Variants in AUTS2 observed in about 807,000 individuals in gnomAD.
The protein encoded by AUTS2 is activator of transcription and developmental regulator AUTS2.
In AUTS2, 17 loss-of-function variants were observed where a neutral mutation model predicts 112.4. That is an observed-to-expected ratio of 0.15 (90% confidence interval 0.10 to 0.23). AUTS2 has a LOEUF of 0.23. AUTS2 is among the 10% of genes least tolerant of loss of function. AUTS2 has a pLI of 1.00. For missense variants in AUTS2, 1,510 were observed against 1,701.6 expected, an observed-to-expected ratio of 0.89 and a Z score of 1.98; for synonymous variants, 751 against 702.7, an observed-to-expected ratio of 1.07 and a Z score of -1.09.
intron 2 of AUTS2, among the ~76,000 whole-genome samples, chr7:70,010,258 A>G (rs1057213660): frequency 6.6e-6 from 1 of 151,932 alleles, no homozygotes; most frequent in Non-Finnish European, 1.5e-5. Context: ...TGATCCTCCC[A>G]CCTCAGCCTC....
chr7:70,067,100 G>A (rs1802533050), intron 2 of AUTS2, among the ~76,000 whole-genome samples: 1 of 152,140 alleles, frequency 6.6e-6, no homozygotes, highest in African/African-American at 2.4e-5. Context: ...AGTTCTTAGT[G>A]GGGAAAAAGA....
chr7:70,677,532 G>T (rs1213424262), intron 5 of AUTS2, among the ~76,000 whole-genome samples: 1 of 152,094 alleles, frequency 6.6e-6, no homozygotes, highest in Admixed American at 6.5e-5. Flanking sequence ...CCTCCTAAGT[G>T]TGTTTTCTCA....
chr7:70,489,441 G>A (rs192172312), intron 5 of AUTS2, among the ~76,000 whole-genome samples: 2 of 152,316 alleles, frequency 1.3e-5, no homozygotes, highest in Admixed American at 1.3e-4. Context: ...TAGATTTTCT[G>A]TGTAAAGGTA....
At chr7:70,158,634 G>A (rs1231143749) in intron 4 of AUTS2, among the ~76,000 whole-genome samples, 1 of 152,094 alleles carries the variant, frequency 6.6e-6, no homozygotes, top group African/African-American at 2.4e-5. Context: ...TCCATGGGAT[G>A]AGCAAAGAAA....
At chr7:69,666,677 G>A (rs1186120083) in intron 1 of AUTS2, among the ~76,000 whole-genome samples, 1 of 152,128 alleles carries the variant, frequency 6.6e-6, no homozygotes, top group Non-Finnish European at 1.5e-5. Flanking sequence ...GAAGGCAGGA[G>A]GATTGCTTGA....
chr7:69,813,532 C>G (rs1317269325), intron 1 of AUTS2, among the ~76,000 whole-genome samples: 1 of 152,166 alleles, frequency 6.6e-6, no homozygotes, highest in East Asian at 1.9e-4. Flanking sequence ...GGTTTCTCTA[C>G]TAGTTAAATG....
chr7:70,457,991 C>T (rs1374898424), intron 5 of AUTS2, among the ~76,000 whole-genome samples: 1 of 152,058 alleles, frequency 6.6e-6, no homozygotes, highest in African/African-American at 2.4e-5. Context: ...CTCCCATTTC[C>T]AAGAGAGTGA....
At chr7:69,618,299 C>T (rs1415254992) in intron 1 of AUTS2, among the ~76,000 whole-genome samples, 2 of 152,200 alleles carry the variant, frequency 1.3e-5, no homozygotes, top group African/African-American at 4.8e-5. Flanking sequence ...CAACTTGTCA[C>T]AACCCACTTC....
Position 70,771,903 on chromosome 7 carries a change from T to C in AUTS2, c.1830+259T>C, listed in dbSNP as rs7783578. Reference sequence around the variant, plus strand: ...AAGATTTCTTGTGCTCTTCAAAATATACACAATATTTATTTTTTTACTACC... The same window carrying C: ...AAGATTTCTTGTGCTCTTCAAAATACACACAATATTTATTTTTTTACTACC... On this transcript the variant is annotated intron_variant, in intron 11 of 18. Coordinates refer to ENST00000342771, the MANE Select transcript of AUTS2 (RefSeq NM_015570.4). 0.055 allele frequency among the ~76,000 whole-genome samples: 8,303 copies of C among 152,310 alleles called. 391 individuals carry two copies. The highest frequency in any genetic ancestry group is 0.073 in the Non-Finnish European group (4,948 of 68,032).
chr7:70,247,481 A>G (rs896143595), intron 4 of AUTS2, among the ~76,000 whole-genome samples: 1 of 152,200 alleles, frequency 6.6e-6, no homozygotes, highest in African/African-American at 2.4e-5. Context: ...AATTAATACT[A>G]TTAAGCTACA....
At chr7:69,856,926 A>G (rs1401573494) in intron 1 of AUTS2, among the ~76,000 whole-genome samples, 1 of 152,192 alleles carries the variant, frequency 6.6e-6, no homozygotes, top group Non-Finnish European at 1.5e-5. Context: ...GGCACTTGAA[A>G]TGGCAACATT....
At chr7:70,355,289 C>A (rs1369861373) in intron 4 of AUTS2, among the ~76,000 whole-genome samples, 1 of 151,954 alleles carries the variant, frequency 6.6e-6, no homozygotes, top group East Asian at 1.9e-4. Flanking sequence ...GAGTCTCTAC[C>A]AAGAGCCCAT....
intron 4 of AUTS2, among the ~76,000 whole-genome samples, chr7:70,269,721 T>C (rs1787596674): frequency 6.6e-6 from 1 of 152,238 alleles, no homozygotes; most frequent in Non-Finnish European, 1.5e-5. Flanking sequence ...CAGCTTTTGC[T>C]TCTGCTCTGT....
At chr7:69,947,601 G>T (rs933654786) in intron 2 of AUTS2, among the ~76,000 whole-genome samples, 1 of 152,096 alleles carries the variant, frequency 6.6e-6, no homozygotes, top group Non-Finnish European at 1.5e-5. Context: ...CCCAATTGTT[G>T]TTACCCACTA....
chr7:69,764,466 A>G (rs550529465), intron 1 of AUTS2, among the ~76,000 whole-genome samples: 30 of 152,006 alleles, frequency 2.0e-4, no homozygotes, highest in African/African-American at 6.8e-4. Flanking sequence ...GAGATGTTGA[A>G]CTGGCTGGTT....
At chr7:70,393,948 G>A (rs566794810) in intron 4 of AUTS2, among the ~76,000 whole-genome samples, 30 of 152,076 alleles carry the variant, frequency 2.0e-4, no homozygotes, top group South Asian at 8.3e-4. Context: ...ACATCTTTTC[G>A]GCAAAGAAAA....
chr7:70,475,246 C>T (rs545437594), intron 5 of AUTS2, among the ~76,000 whole-genome samples: 98 of 152,260 alleles, frequency 6.4e-4, no homozygotes, highest in African/African-American at 2.3e-3. Flanking sequence ...CTTGAGGAGG[C>T]GGGGAACTGG....
intron 1 of AUTS2, among the ~76,000 whole-genome samples, chr7:69,827,914 C>T (rs17458097): frequency 0.25 from 38,034 of 152,094 alleles, 4,792 homozygotes; most frequent in Middle Eastern, 0.34. Context: ...AATTTTGCCT[C>T]GTGTCTTTTG....
intron 4 of AUTS2, among the ~76,000 whole-genome samples, chr7:70,223,530 A>G (rs1811596837): frequency 6.6e-6 from 1 of 152,240 alleles, no homozygotes; most frequent in South Asian, 2.1e-4. Context: ...AAAGTACAGC[A>G]TATACAGTTA....
Sources: gnomAD v4.1 joint callset for allele counts (sites outside exome capture counted in the v4.1 genomes callset) on GRCh38, gnomAD v4.1.1 for gene constraint, MANE v1.5 for transcripts, NCBI Gene and HGNC (gene_info 2026-07-23, HGNC 2026-07-21) for gene names.